Variants in NPFFR2 observed in about 807,000 individuals in gnomAD.
The protein encoded by NPFFR2 is neuropeptide FF receptor 2.
NPFFR2 carries 15 observed loss-of-function variants against 13.1 expected under a neutral mutation model. The ratio of observed to expected loss-of-function variants is 1.15; its 90% CI spans 0.77 to 1.76. The LOEUF (loss-of-function observed/expected upper bound fraction) is 1.76. Among genes scored for constraint, NPFFR2 ranks in the 40% most tolerant of loss-of-function variants. The probability of loss-of-function intolerance (pLI) is 0.00; values close to 1 mark genes in which losing one functional copy is unlikely to be tolerated. For synonymous variants in NPFFR2, 190 were observed against 175.7 expected (o/e 1.08, Z -0.65); for missense variants, 572 against 503.5 (o/e 1.14, Z -1.30).
intron 1 of NPFFR2, among the ~76,000 whole-genome samples, chr4:72,035,892 A>C (rs1719028445): frequency 1.3e-5 from 2 of 152,134 alleles, no homozygotes; most frequent in Admixed American, 1.3e-4. Context: ...GCAGTTGCAG[A>C]ATAAAGCACC....
intron 1 of NPFFR2, among the ~76,000 whole-genome samples, chr4:72,102,142 C>A (rs547186452): frequency 1.3e-5 from 2 of 152,014 alleles, no homozygotes; most frequent in Admixed American, 1.3e-4. Context: ...GTTTATTCTC[C>A]TTAATCATTT....
At position 72,147,357 on chromosome 4, in the gene NPFFR2, CAGA is replaced by C. The variant is rs1429758035; in HGVS notation, c.812_814del (p.Lys271del). ...GTGGCACGTGGTGTCCAGGAAGAAG[CAGA>C]AGATCATTAAGATGCTCCTGATTGT... On this transcript the variant is annotated inframe_deletion, in exon 4 of 4. Coordinates refer to ENST00000308744, the MANE Select transcript of NPFFR2 (RefSeq NM_004885.3). The C allele has an allele frequency of 6.2e-7, 1 of 1,614,050 alleles. No individual in the cohort carries two copies. Among genetic ancestry groups the C allele is most frequent in the East Asian group, 2.2e-5 (1 of 44,888 alleles).
At chr4:72,118,408 A>AT (rs2109825338) in intron 1 of NPFFR2, among the ~76,000 whole-genome samples, 1 of 152,282 alleles carries the variant, frequency 6.6e-6, no homozygotes, top group South Asian at 2.1e-4. Context: ...TATAATTATT[A>AT]TTTTTACTTT....
chr4:72,053,454 T>G (rs1158498183), intron 1 of NPFFR2, among the ~76,000 whole-genome samples: 1 of 151,888 alleles, frequency 6.6e-6, no homozygotes. Context: ...AAGAAAGTTA[T>G]TTTTTTAATA....
chr4:72,068,589 C>T (rs1720143848), intron 1 of NPFFR2, among the ~76,000 whole-genome samples: 1 of 152,192 alleles, frequency 6.6e-6, no homozygotes, highest in East Asian at 1.9e-4. Context: ...CTGTATCTAT[C>T]CTTGTGCCTA....
chr4:72,118,814 A>G (rs1721785523), intron 1 of NPFFR2, among the ~76,000 whole-genome samples: 1 of 152,174 alleles, frequency 6.6e-6, no homozygotes, highest in African/African-American at 2.4e-5. Context: ...AATATACTTT[A>G]TAATACAGTA....
At chr4:72,138,350 G>A (rs547595976) in intron 3 of NPFFR2, among the ~76,000 whole-genome samples, 5 of 152,084 alleles carry the variant, frequency 3.3e-5, no homozygotes, top group Non-Finnish European at 5.9e-5. Flanking sequence ...CCATGTTGGT[G>A]TGCTGCACCC....
At position 72,119,622 on chromosome 4, in the gene NPFFR2, C is replaced by T. The variant is rs531440283; in HGVS notation, c.-7-8963C>T. Among the ~76,000 whole-genome samples the T allele has an allele frequency of 1.2e-3, 178 of 152,194 alleles. 1 individual carries two copies. The highest frequency in any genetic ancestry group is 5.0e-3 in the South Asian group (24 of 4,826). On this transcript the variant is annotated intron_variant, in intron 1 of 3. Coordinates refer to ENST00000308744, the MANE Select transcript of NPFFR2 (RefSeq NM_004885.3). ...CTGGTTAGACAGTGGGTGCAGCCCA[C>T]GGAGGGTGAGCTGAAGCAGGGTGGG...
chr4:72,093,513 C>T (rs1478986847), intron 1 of NPFFR2, among the ~76,000 whole-genome samples: 6 of 152,022 alleles, frequency 3.9e-5, no homozygotes, highest in Non-Finnish European at 8.8e-5. Flanking sequence ...TTCTTGGAGG[C>T]TTTGTTTATT....
At chr4:72,143,383 G>A (rs1037180905) in intron 3 of NPFFR2, among the ~76,000 whole-genome samples, 3 of 152,108 alleles carry the variant, frequency 2.0e-5, no homozygotes, top group Admixed American at 1.3e-4. Context: ...TGTGTAAATT[G>A]CATCCTGTGG....
intron 1 of NPFFR2, among the ~76,000 whole-genome samples, chr4:72,118,940 C>T (rs985720440): frequency 1.3e-5 from 2 of 151,808 alleles, no homozygotes; most frequent in Non-Finnish European, 2.9e-5. Context: ...AGCATATAAG[C>T]ATATGGAAAA....
intron 1 of NPFFR2, among the ~76,000 whole-genome samples, chr4:72,095,540 C>T (rs1008330759): frequency 2.6e-5 from 4 of 152,162 alleles, no homozygotes; most frequent in African/African-American, 7.2e-5. Flanking sequence ...ACCTCATGGT[C>T]TACATTATAA....
At chr4:72,122,462 C>G (rs1282970670) in intron 1 of NPFFR2, among the ~76,000 whole-genome samples, 1 of 152,168 alleles carries the variant, frequency 6.6e-6, no homozygotes, top group Non-Finnish European at 1.5e-5. Flanking sequence ...CTTCTCAGCA[C>G]CACGTCACAC....
chr4:72,140,926 G>C (rs538552660), intron 3 of NPFFR2, among the ~76,000 whole-genome samples: 1 of 151,970 alleles, frequency 6.6e-6, no homozygotes, highest in South Asian at 2.1e-4. Context: ...ATTAATTATT[G>C]CCTCAATTTC....
chr4:72,057,087 C>A (rs1351044516), intron 1 of NPFFR2, among the ~76,000 whole-genome samples: 2 of 151,856 alleles, frequency 1.3e-5, no homozygotes, highest in Admixed American at 6.6e-5. Flanking sequence ...TATATTGGTT[C>A]ATACTGAAAT....
intron 1 of NPFFR2, among the ~76,000 whole-genome samples, chr4:72,074,563 T>TA (rs1433158276): frequency 6.6e-6 from 1 of 152,118 alleles, no homozygotes; most frequent in Non-Finnish European, 1.5e-5. Flanking sequence ...GGTTTAGTAC[T>TA]ATCCATGATT....
intron 1 of NPFFR2, among the ~76,000 whole-genome samples, chr4:72,058,463 T>C (rs377071490): frequency 3.9e-5 from 6 of 152,020 alleles, no homozygotes; most frequent in African/African-American, 1.2e-4. Context: ...CCAAAATTCA[T>C]TGTGGCTGGA....
intron 1 of NPFFR2, among the ~76,000 whole-genome samples, chr4:72,110,867 C>T (rs983907176): frequency 1.1e-4 from 17 of 151,972 alleles, no homozygotes; most frequent in Admixed American, 9.2e-4. Flanking sequence ...TTCTTCTGCT[C>T]AGAGCCTCTA....
Position 72,128,557 on chromosome 4 carries a change from T to C in NPFFR2, c.-7-28T>C, listed in dbSNP as rs555150610. 2.8e-6 allele frequency: 4 copies of C among 1,423,068 alleles called. No individual in the cohort carries two copies. In the Admixed American group the frequency reaches 8.4e-5, roughly 30 times the overall value. The allele number at this position is 1,423,068 out of a possible 1,614,324, so 88.2% of individuals were successfully genotyped here. On this transcript the variant is annotated intron_variant, in intron 1 of 3. Coordinates refer to ENST00000308744, the MANE Select transcript of NPFFR2 (RefSeq NM_004885.3). ...ATGCTTTACTGGTTCCTAATTATGT[T>C]TTTCTTTTCTGTCTCTTCTTTATTA...
Sources: gnomAD v4.1 joint callset for allele counts (sites outside exome capture counted in the v4.1 genomes callset) on GRCh38, gnomAD v4.1.1 for gene constraint, MANE v1.5 for transcripts, NCBI Gene and HGNC (gene_info 2026-07-23, HGNC 2026-07-21) for gene names.